The following PGPEP1 variants were observed in gnomAD, a reference collection of about 807,000 sequenced individuals.
PGPEP1 encodes pyroglutamyl-peptidase I.
PGPEP1 carries 15 observed loss-of-function variants against 24.1 expected under a neutral mutation model. That is an observed-to-expected ratio of 0.62 (90% CI 0.42 to 0.96). PGPEP1 has a LOEUF of 0.96. PGPEP1 is among the 40% of genes least tolerant of loss of function. The probability of loss-of-function intolerance (pLI) is 0.00; values close to 1 mark genes in which losing one functional copy is unlikely to be tolerated. For missense variants in PGPEP1, 242 were observed against 273.4 expected (o/e 0.89, Z 0.81); for synonymous variants, 122 against 116.4 (o/e 1.05, Z -0.31).
At chr19:18,353,802 T>C (rs976449659) in intron 2 of PGPEP1, among the ~76,000 whole-genome samples, 5 of 152,238 alleles carry the variant, frequency 3.3e-5, no homozygotes, top group African/African-American at 1.2e-4. Context: ...TCATCCACAT[T>C]GTACCACGGA....
intron 1 of PGPEP1, among the ~76,000 whole-genome samples, chr19:18,341,350 ACCGACTCCCCC>A: frequency 6.6e-6 from 1 of 151,904 alleles, no homozygotes. Flanking sequence ...CCCTGCTGTC[ACCGACTCCCCC>A]CCACCCCCAA....
Position 18,357,493 on chromosome 19 carries a change from C to A in PGPEP1, c.315C>A (p.Ser105=). ...ACAACTGCCGCTTTTGCCCCGGCTC[C>A]CAGTGCTGCGTGGAGGACGGGCCTG... ...GLDNCRFCPG[S]QCCVEDGPES... is the part of the protein sequence containing the mutation. Residue 105 remains serine (S), a synonymous_variant, in exon 4 of 5, where the codon TCC becomes TCA. Transcript: ENST00000269919. The A allele has an allele frequency of 6.2e-7, 1 of 1,613,746 alleles. No individual in the cohort carries two copies. Among genetic ancestry groups the A allele is most frequent in the Middle Eastern group, 1.6e-4 (1 of 6,062 alleles).
chr19:18,356,462 C>T (rs1426006749), intron 3 of PGPEP1, among the ~76,000 whole-genome samples: 1 of 139,330 alleles, frequency 7.2e-6, no homozygotes, highest in Non-Finnish European at 1.6e-5. Flanking sequence ...AAAGGGCTAT[C>T]CAGGCCAAGG....
chr19:18,340,792 G>T, intron 1 of PGPEP1, 77 bp downstream of exon 1: 1 of 1,099,618 alleles, frequency 9.1e-7, no homozygotes, highest in South Asian at 2.1e-5. Flanking sequence ...GCGGGGCCGA[G>T]AGGGGCAGGT....
chr19:18,351,220 G>A (rs12977553), intron 2 of PGPEP1, among the ~76,000 whole-genome samples: 12,665 of 151,114 alleles, frequency 0.084, 731 homozygotes, highest in Middle Eastern at 0.16. Context: ...AGCTCAGATC[G>A]CGCCACTGCA....
At chr19:18,341,136 G>A (rs1420457565) in intron 1 of PGPEP1, among the ~76,000 whole-genome samples, 1 of 152,162 alleles carries the variant, frequency 6.6e-6, no homozygotes, top group Non-Finnish European at 1.5e-5. Flanking sequence ...GACAAAGGCC[G>A]ATTTGCGGGC....
rs980343845 is a variant in PGPEP1, at chr19:18,363,572, C to T, written c.619C>T (p.His207Tyr). The part of the protein sequence containing the change: ...EQSEGKINYC[H>Y]KH ...GTCAGAGGGCAAAATCAACTATTGC[C>T]ACAAACACTGAGGGACGCTCAGGTC... The change falls in exon 5 of 5, where the codon CAC becomes TAC. Residue 207 changes from histidine to tyrosine, a missense_variant. His to Tyr is a moderately conservative substitution (Grantham distance 83). Coordinates refer to ENST00000269919, the MANE Select transcript of PGPEP1 (RefSeq NM_017712.4). 1 of 1,613,160 alleles carries T rather than the reference C, an allele frequency of 6.2e-7. No homozygotes were observed. The highest frequency in any genetic ancestry group is 8.5e-7 in the Non-Finnish European group (1 of 1,179,490).
intron 4 of PGPEP1, among the ~76,000 whole-genome samples, chr19:18,359,601 A>G (rs1046752231): frequency 6.6e-6 from 1 of 150,472 alleles, no homozygotes; most frequent in Non-Finnish European, 1.5e-5. Flanking sequence ...TCCGCCTCTG[A>G]CGTTCAAGTG....
chr19:18,362,652 G>A (rs1306555001), intron 4 of PGPEP1, among the ~76,000 whole-genome samples: 2 of 150,498 alleles, frequency 1.3e-5, no homozygotes, highest in African/African-American at 2.4e-5. Flanking sequence ...CACTTGAGCC[G>A]AGGAGGCAGA....
chr19:18,356,742 T>TA (rs561799812), intron 3 of PGPEP1, among the ~76,000 whole-genome samples: 18 of 138,752 alleles, frequency 1.3e-4, no homozygotes, highest in Admixed American at 1.3e-3. Context: ...ACAAGTCTCT[T>TA]AAAAAAACAA....
In PGPEP1 at chr19:18,364,150, TCTC is replaced by T. The variant is rs769207928; in HGVS notation, c.*568_*570del. On this transcript the variant is annotated 3_prime_UTR_variant, in exon 5 of 5. Coordinates refer to ENST00000269919, the MANE Select transcript of PGPEP1 (RefSeq NM_017712.4). ...TTTCTTGCTTTCTTTCTTCTCTCTCTCTCTTTTTTTTTTTTTTTAAATAGTGCT... is the reference window on the plus strand; with the variant it reads ...TTTCTTGCTTTCTTTCTTCTCTCTCTTTTTTTTTTTTTTTTAAATAGTGCT... The T allele has an allele frequency of 5.2e-4, 50 of 96,960 alleles. No individual in the cohort carries two copies. The highest frequency in any genetic ancestry group is 7.3e-4 in the Non-Finnish European group (38 of 52,052). 6.0% of individuals were successfully genotyped at this position (96,960 alleles called of 1,614,324 possible). A position where few individuals can be genotyped will look rare whatever the true frequency, so the allele number is the denominator to read the frequency against.
intron 2 of PGPEP1, among the ~76,000 whole-genome samples, chr19:18,350,422 G>T (rs1036537181): frequency 1.3e-5 from 2 of 152,172 alleles, no homozygotes; most frequent in African/African-American, 2.4e-5. Flanking sequence ...CCTCTGGGAC[G>T]TATTGAATAT....
At chr19:18,363,310 G>T in intron 4 of PGPEP1, 81 bp from the exon 5 acceptor site, 2 of 1,108,634 alleles carry the variant, frequency 1.8e-6, no homozygotes, top group Non-Finnish European at 2.6e-6. Context: ...GGATTTGGAT[G>T]GGTGCTGTCA....
At chr19:18,363,364 T>G (rs1266299623) in intron 4 of PGPEP1, 27 bp from the exon 5 acceptor site, 1 of 1,590,260 alleles carries the variant, frequency 6.3e-7, no homozygotes, top group South Asian at 1.1e-5. Flanking sequence ...TTGGTCTCTC[T>G]CTTACCCGCC....
At chr19:18,342,973 G>T in intron 2 of PGPEP1, 62 bp downstream of exon 2, 6 of 1,301,938 alleles carry the variant, frequency 4.6e-6, no homozygotes, top group Non-Finnish European at 5.5e-6. Flanking sequence ...GAAAGTTATG[G>T]CATCCAAGAA....
Position 18,357,515 on chromosome 19 carries a change from C to A in PGPEP1, c.337C>A (p.Pro113Thr), listed in dbSNP as rs141279729. The change falls in exon 4 of 5, where the codon CCT (proline) becomes ACT (threonine). Residue 113 changes from proline (P) to threonine (T), a missense_variant. Transcript: ENST00000269919. ...PGSQCCVEDG[P>T]ESIDSIIDMD... ...CTCCCAGTGCTGCGTGGAGGACGGGCCTGAAAGCATTGACTCCATCATCGA... is the reference window on the plus strand; with the variant it reads ...CTCCCAGTGCTGCGTGGAGGACGGGACTGAAAGCATTGACTCCATCATCGA... 1 of 1,613,302 alleles carries A rather than the reference C, an allele frequency of 6.2e-7. No individual in the cohort carries two copies. Among genetic ancestry groups the A allele is most frequent in the Non-Finnish European group, 8.5e-7 (1 of 1,179,730 alleles).
chr19:18,340,704 T>G lies in PGPEP1; in HGVS notation c.23T>G (p.Val8Gly). ...GCCATGGAGCAGCCGAGGAAGGCGGTGGTAGTGACGGGTACGCTGGCTGAT... is the reference window on the plus strand; with the variant it reads ...GCCATGGAGCAGCCGAGGAAGGCGGGGGTAGTGACGGGTACGCTGGCTGAT... MEQPRKA[V>G]VVTGFGPFGE... is the part of the protein sequence containing the mutation. Residue 8 changes from valine to glycine, a missense_variant, in exon 1 of 5, where the codon GTG becomes GGG. Transcript: ENST00000269919. The G allele has an allele frequency of 6.5e-7, 1 of 1,531,714 alleles. No homozygotes were observed. The allele number at this position is 1,531,714 out of a possible 1,614,324, so 94.9% of individuals were successfully genotyped here. A position where few individuals can be genotyped will look rare whatever the true frequency, so the allele number is the denominator to read the frequency against.
At position 18,368,463 on chromosome 19, in the gene PGPEP1, C is replaced by G. The variant is rs914575211; in HGVS notation, c.*4880C>G. The G allele has an allele frequency of 2.0e-5, 3 of 151,644 alleles. No individual in the cohort carries two copies. Among genetic ancestry groups the G allele is most frequent in the Non-Finnish European group, 4.4e-5 (3 of 67,970 alleles). The allele number at this position is 151,644 out of a possible 1,614,324, so 9.4% of individuals were successfully genotyped here. A position where few individuals can be genotyped will look rare whatever the true frequency, so the allele number is the denominator to read the frequency against. ...CAAAAAAAAAAAAAAAAAAGAATTCCCTGCTCTGCTTTTCTGCTCGTTGCT... is the reference window on the plus strand; with the variant it reads ...CAAAAAAAAAAAAAAAAAAGAATTCGCTGCTCTGCTTTTCTGCTCGTTGCT... On this transcript the variant is annotated 3_prime_UTR_variant, in exon 5 of 5. Transcript: ENST00000269919.
chr19:18,360,859 G>A (rs1243192690), intron 4 of PGPEP1, among the ~76,000 whole-genome samples: 3 of 151,356 alleles, frequency 2.0e-5, no homozygotes, highest in African/African-American at 7.3e-5. Context: ...TTGAGACTGC[G>A]TCTAGCTTTG....
Sources: allele counts gnomAD v4.1 joint callset (sites outside exome capture counted in the v4.1 genomes callset), GRCh38; gene constraint gnomAD v4.1.1; transcripts MANE v1.5; gene names NCBI Gene and HGNC (gene_info 2026-07-23, HGNC 2026-07-21).